PAK1: variants seen among roughly 807,000 people sequenced by gnomAD.
PAK1 encodes the protein serine/threonine-protein kinase PAK 1.
PAK1 carries 29 observed loss-of-function variants against 67.4 expected under a neutral mutation model. The ratio of observed to expected loss-of-function variants is 0.43; its 90% CI spans 0.32 to 0.59. The LOEUF (loss-of-function observed/expected upper bound fraction) is 0.59, where lower values mean the gene tolerates loss of function less well. Ranked by LOEUF, PAK1 falls within the 20% of genes least tolerant of loss-of-function variation. The pLI, the probability that PAK1 is intolerant of heterozygous loss-of-function variation, is 0.07. For synonymous variants in PAK1, 223 were observed against 237.4 expected (o/e 0.94, Z 0.56); for missense variants, 337 against 670.7 (o/e 0.50, Z 5.50).
At chr11:77,350,295 T>C (rs540496080) in intron 8 of PAK1, among the ~76,000 whole-genome samples, 1 of 152,282 alleles carries the variant, frequency 6.6e-6, no homozygotes, top group African/African-American at 2.4e-5. Flanking sequence ...TCCCAGAAGA[T>C]CTGAGGGTAC....
intron 1 of PAK1, among the ~76,000 whole-genome samples, chr11:77,404,125 G>A (rs1164212653): frequency 1.3e-5 from 2 of 152,092 alleles, no homozygotes; most frequent in Non-Finnish European, 2.9e-5. Flanking sequence ...CTTTTCTTTA[G>A]AAATTACCTA....
chr11:77,490,396 G>A, the PAK1 span, among the ~76,000 whole-genome samples: 12 of 109,656 alleles, frequency 1.1e-4, no homozygotes, highest in African/African-American at 3.5e-4. Context: ...CTGCCTGGCC[G>A]CCCCTACTGG....
At chr11:77,480,484 T>C in the PAK1 span, among the ~76,000 whole-genome samples, 1 of 151,968 alleles carries the variant, frequency 6.6e-6, no homozygotes, top group Non-Finnish European at 1.5e-5. Context: ...AAGTCCTTTA[T>C]TGTAAAGATA....
At chr11:77,382,331 C>T (rs762510280) in intron 2 of PAK1, among the ~76,000 whole-genome samples, 18 of 152,130 alleles carry the variant, frequency 1.2e-4, no homozygotes, top group African/African-American at 4.1e-4. Context: ...CTACTGAGCA[C>T]TCTTTACCCT....
chr11:77,453,743 C>T (rs1266758137), intron 1 of PAK1, among the ~76,000 whole-genome samples: 1 of 152,068 alleles, frequency 6.6e-6, no homozygotes, highest in African/African-American at 2.4e-5. Flanking sequence ...GAGCAGAACC[C>T]ATGTTCATGC....
the PAK1 span, among the ~76,000 whole-genome samples, chr11:77,496,991 G>A: frequency 6.6e-6 from 1 of 152,174 alleles, no homozygotes; most frequent in African/African-American, 2.4e-5. Context: ...ACCAGTCTCA[G>A]TAGCCTCCTT....
intron 7 of PAK1, 125 bp downstream of exon 7, chr11:77,355,543 G>A (rs1245989128): frequency 5.5e-6 from 4 of 721,980 alleles, no homozygotes; most frequent in Admixed American, 2.2e-5. Flanking sequence ...GTGAGGAGAA[G>A]CAGTCTGTGC....
chr11:77,517,598 G>A, the PAK1 span, among the ~76,000 whole-genome samples: 3 of 152,222 alleles, frequency 2.0e-5, no homozygotes, highest in African/African-American at 7.2e-5. Flanking sequence ...CCACAGACCA[G>A]TGTGTGTATG....
chr11:77,504,766 G>T, the PAK1 span, among the ~76,000 whole-genome samples: 1 of 152,210 alleles, frequency 6.6e-6, no homozygotes, highest in Non-Finnish European at 1.5e-5. Context: ...AGACTGTTCA[G>T]TCATTCATTC....
Position 77,402,546 on chromosome 11 carries a change from T to C in PAK1, c.-21-10005A>G, listed in dbSNP as rs147196250. 3.5e-3 allele frequency among the ~76,000 whole-genome samples: 540 copies of C among 152,210 alleles called. 2 individuals are homozygous for C. The highest frequency in any genetic ancestry group is 0.012 in the African/African-American group (484 of 41,538). ...AACCTTCAAACCTCCAAACCTCCCA[T>C]TGGATGACCTGCCTTACAGGTTGAG... On this transcript the variant is annotated intron_variant, in intron 1 of 14. Coordinates refer to ENST00000356341, the MANE Select transcript of PAK1 (RefSeq NM_002576.5).
At chr11:77,330,157 G>A (rs377335687) in intron 14 of PAK1, among the ~76,000 whole-genome samples, 1 of 152,116 alleles carries the variant, frequency 6.6e-6, no homozygotes, top group Non-Finnish European at 1.5e-5. Context: ...ATGGAAGAAC[G>A]TTCCATACTC....
rs1469217874 is a variant in PAK1 at position 77,446,893 on chromosome 11, A to G, written c.-22+26659T>C. 2.7e-5 allele frequency among the ~76,000 whole-genome samples: 4 copies of G among 148,890 alleles called. No individual in the cohort carries two copies. In the East Asian group the frequency reaches 8.3e-4, roughly 31 times the overall value. ...AATAGTGAATAGGGGAGCTGTGACA[A>G]AAAGAAAAAAAAAAAACAAAAAAGG... On this transcript the variant is annotated intron_variant, in intron 1 of 14. Transcript: ENST00000356341.
At chr11:77,443,011 G>T (rs1357020907) in intron 1 of PAK1, among the ~76,000 whole-genome samples, 1 of 151,212 alleles carries the variant, frequency 6.6e-6, no homozygotes, top group Non-Finnish European at 1.5e-5. Flanking sequence ...GTTTCTAAAA[G>T]TATCTAAAAC....
chr11:77,435,042 G>A (rs978145645), intron 1 of PAK1, among the ~76,000 whole-genome samples: 4 of 149,824 alleles, frequency 2.7e-5, no homozygotes, highest in African/African-American at 9.9e-5. Context: ...GGAATTACAG[G>A]CATGAGCCAC....
Position 77,392,540 on chromosome 11 carries a change from T to G in PAK1, c.-20A>C. On this transcript the variant is annotated splice_region_variant and 5_prime_UTR_variant, in exon 2 of 15. Transcript: ENST00000356341. ...TGACATTGTCACCACCAGCAGCAGC[T>G]ACTAGAATCAGAAATAAGAACAATA... is the stretch of plus-strand genomic sequence containing the variant. 6.4e-7 allele frequency: 1 copy of G among 1,571,064 alleles called. No individual in the cohort carries two copies. The highest frequency in any genetic ancestry group is 8.7e-7 in the Non-Finnish European group (1 of 1,154,468).
At chr11:77,374,991 G>C (rs529305094) in intron 4 of PAK1, among the ~76,000 whole-genome samples, 1 of 152,138 alleles carries the variant, frequency 6.6e-6, no homozygotes, top group Admixed American at 6.5e-5. Flanking sequence ...GCCTAAGTAG[G>C]ACATTACCAG....
At chr11:77,460,866 G>T (rs1751835792) in intron 1 of PAK1, among the ~76,000 whole-genome samples, 1 of 152,074 alleles carries the variant, frequency 6.6e-6, no homozygotes, top group African/African-American at 2.4e-5. Context: ...CTGGAGGGTG[G>T]GGGCAGAGAG....
At position 77,343,812 on chromosome 11, in the gene PAK1, T is replaced by TG. The variant is rs1392095733; in HGVS notation, c.998+6_998+7insC. 1 of 1,542,678 alleles carries TG rather than the reference T, an allele frequency of 6.5e-7. No individual in the cohort carries two copies. The highest frequency in any genetic ancestry group is 1.7e-5 in the Admixed American group (1 of 59,914). ...CTTTCCCTCTGATGGGACCCACCAC[T>TG]CCATACCTGTCCAAGTAATTCACAA... On this transcript the variant is annotated splice_region_variant and intron_variant, in intron 10 of 14. Coordinates refer to ENST00000356341, the MANE Select transcript of PAK1 (RefSeq NM_002576.5).
intron 1 of PAK1, among the ~76,000 whole-genome samples, chr11:77,414,841 G>GT (rs75162351): frequency 0.069 from 10,465 of 152,208 alleles, 816 homozygotes; most frequent in East Asian, 0.25. Context: ...GTTTGGCAAT[G>GT]ACTTTTTAGA....
Sources: gnomAD v4.1 joint callset for allele counts (sites outside exome capture counted in the v4.1 genomes callset) on GRCh38, gnomAD v4.1.1 for gene constraint, MANE v1.5 for transcripts, NCBI Gene and HGNC (gene_info 2026-07-23, HGNC 2026-07-21) for gene names.